Variants in ZNF322 observed in about 807,000 individuals in gnomAD.
ZNF322 encodes HLA complex group 12.
A neutral mutation model predicts 18.3 loss-of-function variants in ZNF322; 1 was observed. The observed-to-expected ratio is 0.05, with a 90% CI of 0.02 to 0.26. ZNF322 has a LOEUF of 0.26. Among genes scored for constraint, ZNF322 ranks in the 10% least tolerant of loss-of-function variants. The pLI, the probability that ZNF322 is intolerant of heterozygous loss-of-function variation, is 1.00. For missense variants in ZNF322, 36 were observed against 403.6 expected (o/e 0.09, Z 7.80); for synonymous variants, 17 against 130.7 (o/e 0.13, Z 5.93).
chr6:26,647,803 T>C (rs1765582632), intron 2 of ZNF322, among the ~76,000 whole-genome samples: 1 of 152,120 alleles, frequency 6.6e-6, no homozygotes, highest in African/African-American at 2.4e-5. Flanking sequence ...CCTAATTCTT[T>C]TTGTGAAATA....
Position 26,649,700 on chromosome 6 carries a change from TA to T in ZNF322, c.-245-5973del, listed in dbSNP as rs59209729. Among the ~76,000 whole-genome samples the T allele has an allele frequency of 5.4e-3, 539 of 99,658 alleles. 31 individuals carry two copies. The highest frequency in any genetic ancestry group is 0.013 in the South Asian group (36 of 2,764). The allele number at this position is 99,658 out of a possible 152,430, so 65.4% of individuals were successfully genotyped here. A position where few individuals can be genotyped will look rare whatever the true frequency, so the allele number is the denominator to read the frequency against. ...GTATATATATATATATATATATATA[TA>T]TTTTTTTTTTTTTTTTTTTGAGACT... On this transcript the variant is annotated intron_variant, in intron 2 of 3. Coordinates refer to ENST00000415922, the MANE Select transcript of ZNF322 (RefSeq NM_024639.5).
chr6:26,645,046 T>G lies in ZNF322; in HGVS notation c.-245-1318A>C, dbSNP rs139873944. Among the ~76,000 whole-genome samples, 708 of 152,122 alleles carry G rather than the reference T, an allele frequency of 4.7e-3. 3 individuals are homozygous for G. Among genetic ancestry groups the G allele is most frequent in the Middle Eastern group, 6.8e-3 (2 of 294 alleles). On this transcript the variant is annotated intron_variant, in intron 2 of 3. Coordinates refer to ENST00000415922, the MANE Select transcript of ZNF322 (RefSeq NM_024639.5). Reference sequence around the variant, plus strand: ...GTTCACATTGTTCAGCTCCCACTTATAAGTGAGAACATGCGGTGTTTGCAC... The same window carrying G: ...GTTCACATTGTTCAGCTCCCACTTAGAAGTGAGAACATGCGGTGTTTGCAC...
intron 1 of ZNF322, among the ~76,000 whole-genome samples, 152 bp downstream of exon 1, chr6:26,659,289 T>C (rs1338202872): frequency 2.6e-5 from 4 of 152,270 alleles, no homozygotes; most frequent in Admixed American, 6.5e-5. Context: ...CAACTTTTCA[T>C]TGACCATCTT....
intron 2 of ZNF322, among the ~76,000 whole-genome samples, chr6:26,647,647 T>A (rs1350075359): frequency 6.6e-6 from 1 of 152,108 alleles, no homozygotes; most frequent in Non-Finnish European, 1.5e-5. Flanking sequence ...TTGCAGAGAA[T>A]AAATAGAAAA....
intron 2 of ZNF322, among the ~76,000 whole-genome samples, chr6:26,650,601 T>C (rs1344391270): frequency 1.3e-5 from 2 of 152,204 alleles, no homozygotes; most frequent in African/African-American, 4.8e-5. Flanking sequence ...GGTTGTACAA[T>C]ACAGGGTTAA....
intron 3 of ZNF322, among the ~76,000 whole-genome samples, chr6:26,643,120 G>A (rs574459417): frequency 1.3e-5 from 2 of 152,262 alleles, no homozygotes; most frequent in East Asian, 1.9e-4. Context: ...TAATCCAGCC[G>A]CAATGGCTTC....
intron 2 of ZNF322, among the ~76,000 whole-genome samples, chr6:26,644,285 T>C (rs1376039373): frequency 6.6e-6 from 1 of 152,250 alleles, no homozygotes; most frequent in South Asian, 2.1e-4. Flanking sequence ...TGTCTTTCTC[T>C]AGAAGTTTTA....
intron 2 of ZNF322, among the ~76,000 whole-genome samples, chr6:26,655,755 G>A (rs574062189): frequency 2.6e-5 from 4 of 152,196 alleles, no homozygotes; most frequent in South Asian, 4.2e-4. Context: ...TTCAGGAGTC[G>A]GTTCCTCACA....
In ZNF322 at chr6:26,652,954, A is replaced by G. The variant is rs552477864; in HGVS notation, c.-246+5604T>C. 2.0e-5 allele frequency among the ~76,000 whole-genome samples: 3 copies of G among 152,248 alleles called. No homozygotes were observed. In the East Asian group the frequency reaches 5.8e-4, roughly 29 times the overall value. ...TTTTGCTCAGTTTTGCTATGAACCTAACAGTTCTCTAAAAAATAAAGTCTA... is the reference window on the plus strand; with the variant it reads ...TTTTGCTCAGTTTTGCTATGAACCTGACAGTTCTCTAAAAAATAAAGTCTA... On this transcript the variant is annotated intron_variant, in intron 2 of 3. Transcript: ENST00000415922.
chr6:26,655,824 C>T (rs1294148778), intron 2 of ZNF322, among the ~76,000 whole-genome samples: 1 of 152,130 alleles, frequency 6.6e-6, no homozygotes, highest in Non-Finnish European at 1.5e-5. Context: ...TCTCTTTGCC[C>T]TTTTGCCATG....
chr6:26,658,228 G>A (rs1765816449), intron 2 of ZNF322, among the ~76,000 whole-genome samples: 1 of 152,036 alleles, frequency 6.6e-6, no homozygotes, highest in Non-Finnish European at 1.5e-5. Flanking sequence ...CTTACAAATA[G>A]TAAGCAGCAG....
chr6:26,659,561 CT>C lies in ZNF322; in HGVS notation c.-456del, dbSNP rs1561928263. 1 of 166,696 alleles carries C rather than the reference CT, an allele frequency of 6.0e-6. No individual in the cohort carries two copies. The highest frequency in any genetic ancestry group is 1.5e-5 in the Non-Finnish European group (1 of 68,128). The allele number at this position is 166,696 out of a possible 1,614,324, so 10.3% of individuals were successfully genotyped here. On this transcript the variant is annotated 5_prime_UTR_variant, in exon 1 of 4. Coordinates refer to ENST00000415922, the MANE Select transcript of ZNF322 (RefSeq NM_024639.5). ...TGCGATAGTAGATCTAAGGGCCAGG[CT>C]TCGGGAAGGAAAGAAAAGCGAACCC... is the stretch of plus-strand genomic sequence containing the variant.
At chr6:26,647,694 C>T (rs1765580666) in intron 2 of ZNF322, among the ~76,000 whole-genome samples, 1 of 151,922 alleles carries the variant, frequency 6.6e-6, no homozygotes, top group Non-Finnish European at 1.5e-5. Context: ...AGCACTAGGC[C>T]CAGATTATTT....
intron 2 of ZNF322, among the ~76,000 whole-genome samples, chr6:26,653,890 T>A (rs1765716901): frequency 6.6e-6 from 1 of 152,044 alleles, no homozygotes; most frequent in Non-Finnish European, 1.5e-5. Flanking sequence ...AACTAAATAG[T>A]CAAGATGGAA....
At chr6:26,646,180 G>T (rs973584626) in intron 2 of ZNF322, among the ~76,000 whole-genome samples, 1 of 151,916 alleles carries the variant, frequency 6.6e-6, no homozygotes, top group Non-Finnish European at 1.5e-5. Context: ...ACAAAATACA[G>T]TTATAACAAT....
Position 26,649,694 on chromosome 6 carries a change from TA to T in ZNF322, c.-245-5967del, listed in dbSNP as rs59183330. 3.9e-3 allele frequency among the ~76,000 whole-genome samples: 280 copies of T among 72,518 alleles called. 14 individuals carry two copies. Among genetic ancestry groups the T allele is most frequent in the South Asian group, 8.7e-3 (16 of 1,846 alleles). The allele number at this position is 72,518 out of a possible 152,430, so 47.6% of individuals were successfully genotyped here. On this transcript the variant is annotated intron_variant, in intron 2 of 3. Coordinates refer to ENST00000415922, the MANE Select transcript of ZNF322 (RefSeq NM_024639.5). The stretch of plus-strand genomic sequence containing the variant: ...GTGTGTGTATATATATATATATATA[TA>T]TATATATTTTTTTTTTTTTTTTTTT...
intron 2 of ZNF322, among the ~76,000 whole-genome samples, chr6:26,656,938 T>C (rs1400779110): frequency 1.3e-5 from 2 of 152,180 alleles, no homozygotes; most frequent in South Asian, 2.1e-4. Context: ...AAAATAAGTC[T>C]GGGTGTCAAA....
At chr6:26,647,785 C>A (rs2451752) in intron 2 of ZNF322, among the ~76,000 whole-genome samples, 98,981 of 151,964 alleles carry the variant, frequency 0.65, 32,704 homozygotes, top group East Asian at 0.79. Context: ...GAAAATGAAG[C>A]ACAACTTCCT....
intron 3 of ZNF322, among the ~76,000 whole-genome samples, 167 bp from the exon 4 acceptor site, chr6:26,638,895 A>T (rs1765417599): frequency 6.6e-6 from 1 of 152,206 alleles, no homozygotes; most frequent in African/African-American, 2.4e-5. Flanking sequence ...CTAATATAAA[A>T]CTGATCAGCA....
Sources: gnomAD v4.1 joint callset for allele counts (sites outside exome capture counted in the v4.1 genomes callset) on GRCh38, gnomAD v4.1.1 for gene constraint, MANE v1.5 for transcripts, NCBI Gene and HGNC (gene_info 2026-07-23, HGNC 2026-07-21) for gene names.